PRKG1: variants seen among roughly 807,000 people sequenced by gnomAD.
PRKG1 encodes protein kinase cGMP-dependent 1.
In PRKG1, 35 loss-of-function variants were observed where a neutral mutation model predicts 88.1. The ratio of observed to expected loss-of-function variants is 0.40; its 90% CI spans 0.30 to 0.53. PRKG1 has a LOEUF of 0.53. PRKG1 is among the 20% of genes least tolerant of loss of function. PRKG1 has a pLI of 0.59. For synonymous variants in PRKG1, 303 were observed against 292.5 expected, an observed-to-expected ratio of 1.04 and a Z score of -0.37; for missense variants, 540 against 839.8, an observed-to-expected ratio of 0.64 and a Z score of 4.41.
At chr10:51,748,110 C>T (rs1837627202) in intron 3 of PRKG1, among the ~76,000 whole-genome samples, 1 of 152,256 alleles carries the variant, frequency 6.6e-6, no homozygotes, top group Non-Finnish European at 1.5e-5. Flanking sequence ...GATGATTATT[C>T]ACCTGGGAAA....
intron 1 of PRKG1, among the ~76,000 whole-genome samples, chr10:51,047,115 C>T (rs192211923): frequency 1.4e-3 from 209 of 152,192 alleles, no homozygotes; most frequent in Admixed American, 4.1e-3. Flanking sequence ...AGAGTGTTTC[C>T]TTCTTTGTGG....
At chr10:51,335,149 A>T (rs1032923253) in intron 2 of PRKG1, among the ~76,000 whole-genome samples, 2 of 151,596 alleles carry the variant, frequency 1.3e-5, no homozygotes, top group African/African-American at 4.8e-5. Flanking sequence ...AGGAGCTGGG[A>T]CTACAGGCGC....
intron 1 of PRKG1, among the ~76,000 whole-genome samples, chr10:51,115,313 C>T (rs1424956545): frequency 2.0e-4 from 12 of 60,172 alleles, no homozygotes; most frequent in African/African-American, 6.9e-4. Context: ...GACTCCATCT[C>T]GGGGCGGGGG....
chr10:51,617,235 T>C (rs1839082867), intron 3 of PRKG1, among the ~76,000 whole-genome samples: 1 of 152,154 alleles, frequency 6.6e-6, no homozygotes, highest in South Asian at 2.1e-4. Flanking sequence ...TCACTCATGG[T>C]CTCCGACTCA....
At chr10:52,240,882 C>T (rs375507431) in intron 9 of PRKG1, among the ~76,000 whole-genome samples, 9 of 152,028 alleles carry the variant, frequency 5.9e-5, no homozygotes, top group African/African-American at 1.4e-4. Context: ...TGTCTTGTCA[C>T]GTACATATCA....
intron 12 of PRKG1, among the ~76,000 whole-genome samples, chr10:52,274,181 A>G (rs1233515932): frequency 6.6e-6 from 1 of 152,098 alleles, no homozygotes; most frequent in Non-Finnish European, 1.5e-5. Flanking sequence ...GGTTACGAGT[A>G]AGTTCTTTAG....
intron 7 of PRKG1, among the ~76,000 whole-genome samples, chr10:52,117,601 G>C (rs1045384049): frequency 1.3e-5 from 2 of 151,988 alleles, no homozygotes; most frequent in Non-Finnish European, 2.9e-5. Flanking sequence ...AATTACTTGT[G>C]AGAGTTAATT....
chr10:51,424,150 C>A (rs1156839181), intron 2 of PRKG1, among the ~76,000 whole-genome samples: 1 of 152,058 alleles, frequency 6.6e-6, no homozygotes, highest in Non-Finnish European at 1.5e-5. Flanking sequence ...TTAATTTTAA[C>A]ATAAAAGAAT....
chr10:51,595,991 C>T (rs989035647), intron 3 of PRKG1, among the ~76,000 whole-genome samples: 5 of 151,862 alleles, frequency 3.3e-5, no homozygotes, highest in African/African-American at 1.2e-4. Flanking sequence ...CCACCATGCC[C>T]GGCTAATTTT....
chr10:51,447,326 C>A (rs1276254380), intron 2 of PRKG1, among the ~76,000 whole-genome samples: 1 of 152,002 alleles, frequency 6.6e-6, no homozygotes, highest in Non-Finnish European at 1.5e-5. Flanking sequence ...CTCCCAGTGA[C>A]TGTATATTCA....
intron 7 of PRKG1, among the ~76,000 whole-genome samples, chr10:52,110,870 C>G (rs183015581): frequency 2.7e-4 from 41 of 152,246 alleles, no homozygotes; most frequent in Non-Finnish European, 5.1e-4. Context: ...AATGGCCATC[C>G]TCTTAGGAAG....
intron 4 of PRKG1, among the ~76,000 whole-genome samples, chr10:51,862,631 A>T (rs1179991345): frequency 1.3e-5 from 2 of 152,068 alleles, no homozygotes; most frequent in South Asian, 2.1e-4. Context: ...GCACCATTCA[A>T]TTGGCTAAAA....
chr10:51,739,050 T>C (rs1837365416), intron 3 of PRKG1, among the ~76,000 whole-genome samples: 2 of 152,354 alleles, frequency 1.3e-5, no homozygotes, highest in South Asian at 2.1e-4. Context: ...AATATTGCTG[T>C]CCTGAAATAC....
At chr10:51,609,336 C>A (rs2132240849) in intron 3 of PRKG1, among the ~76,000 whole-genome samples, 1 of 152,196 alleles carries the variant, frequency 6.6e-6, no homozygotes, top group East Asian at 1.9e-4. Context: ...ATTGTAAGTG[C>A]TCTATATGGG....
chr10:51,219,815 A>G (rs1419596076), intron 2 of PRKG1, among the ~76,000 whole-genome samples: 1 of 152,172 alleles, frequency 6.6e-6, no homozygotes, highest in African/African-American at 2.4e-5. Context: ...TAATGAGTGG[A>G]TATCTAAGGT....
At chr10:52,158,589 C>A (rs918152409) in intron 8 of PRKG1, among the ~76,000 whole-genome samples, 1 of 151,632 alleles carries the variant, frequency 6.6e-6, no homozygotes. Flanking sequence ...CAGTGGCAGT[C>A]ATTTGGAACT....
At chr10:51,322,030 G>A (rs543920483) in intron 2 of PRKG1, among the ~76,000 whole-genome samples, 6 of 152,242 alleles carry the variant, frequency 3.9e-5, no homozygotes, top group African/African-American at 1.2e-4. Flanking sequence ...TTTATAGCAC[G>A]TCTCAATTAG....
At chr10:52,290,075 G>T in intron 16 of PRKG1, 149 bp from the exon 17 acceptor site, 1 of 578,988 alleles carries the variant, frequency 1.7e-6, no homozygotes, top group Non-Finnish European at 3.0e-6. Flanking sequence ...AAACTATTAG[G>T]AAAACATATG....
At chr10:52,034,695 A>G (rs1487175707) in intron 5 of PRKG1, among the ~76,000 whole-genome samples, 1 of 151,866 alleles carries the variant, frequency 6.6e-6, no homozygotes, top group Non-Finnish European at 1.5e-5. Context: ...GTAAACCGGC[A>G]GTGTAAACAA....
Sources: gnomAD v4.1 joint callset for allele counts (sites outside exome capture counted in the v4.1 genomes callset) on GRCh38, gnomAD v4.1.1 for gene constraint, MANE v1.5 for transcripts, NCBI Gene and HGNC (gene_info 2026-07-23, HGNC 2026-07-21) for gene names.